Variants in PPP2R5E observed in about 807,000 individuals in gnomAD.
PPP2R5E encodes protein phosphatase 2 regulatory subunit B'epsilon, also known as serine/threonine-protein phosphatase 2A 56 kDa regulatory subunit epsilon isoform.
In PPP2R5E, 4 loss-of-function variants were observed where a neutral mutation model predicts 65.3. The observed-to-expected ratio is 0.06, with a 90% CI of 0.03 to 0.14. PPP2R5E has a LOEUF of 0.14. Ranked by LOEUF, PPP2R5E falls within the 10% of genes least tolerant of loss-of-function variation. PPP2R5E has a pLI of 1.00. For missense variants in PPP2R5E, 274 were observed against 556.1 expected (o/e 0.49, Z 5.10); for synonymous variants, 183 against 187.4 (o/e 0.98, Z 0.19).
chr14:63,525,456 A>G (rs565762130), intron 2 of PPP2R5E, among the ~76,000 whole-genome samples: 12 of 152,338 alleles, frequency 7.9e-5, no homozygotes, highest in African/African-American at 2.9e-4. Flanking sequence ...GGAAAGACAT[A>G]CAGGAGAAGA....
At chr14:63,530,226 G>GTTTTTTTTTT (rs555112537) in intron 2 of PPP2R5E, among the ~76,000 whole-genome samples, 4 of 99,484 alleles carry the variant, frequency 4.0e-5, no homozygotes, top group Non-Finnish European at 5.7e-5. Context: ...AAATTTTTCC[G>GTTTTTTTTTT]TTTTTTTTTT....
intron 2 of PPP2R5E, among the ~76,000 whole-genome samples, chr14:63,493,298 C>A (rs1891373498): frequency 6.6e-6 from 1 of 151,880 alleles, no homozygotes; most frequent in Non-Finnish European, 1.5e-5. Flanking sequence ...CACTTGCCAC[C>A]AAGCCAAGCT....
At chr14:63,423,840 T>C (rs2144966) in intron 3 of PPP2R5E, among the ~76,000 whole-genome samples, 15,850 of 152,252 alleles carry the variant, frequency 0.1, 1,013 homozygotes, top group African/African-American at 0.18. Context: ...TGGAACTTAC[T>C]ATATTCTAGT....
chr14:63,402,539 A>G (rs1885813081), intron 5 of PPP2R5E, among the ~76,000 whole-genome samples: 1 of 152,208 alleles, frequency 6.6e-6, no homozygotes, highest in African/African-American at 2.4e-5. Flanking sequence ...AACTATTAAC[A>G]TCTTCAAAGA....
At chr14:63,423,573 G>A (rs1402910367) in intron 3 of PPP2R5E, among the ~76,000 whole-genome samples, 1 of 152,084 alleles carries the variant, frequency 6.6e-6, no homozygotes. Context: ...GAGAACATGC[G>A]TAAAAAGTGA....
chr14:63,449,872 ATTTTTTTTTTT>A (rs35931655), intron 3 of PPP2R5E, among the ~76,000 whole-genome samples: 1 of 105,412 alleles, frequency 9.5e-6, no homozygotes, highest in Non-Finnish European at 1.9e-5. Context: ...TTCTTTTCCT[ATTTTTTTTTTT>A]TTTTTTTTTT....
At chr14:63,451,213 TA>T (rs1385052453) in intron 3 of PPP2R5E, 5 of 152,224 alleles carry the variant, frequency 3.3e-5, no homozygotes, top group African/African-American at 1.2e-4. Context: ...CACTCCTTGG[TA>T]TTTACCCAAA....
intron 1 of PPP2R5E, among the ~76,000 whole-genome samples, chr14:63,541,799 T>C (rs1893914290): frequency 6.6e-6 from 1 of 152,232 alleles, no homozygotes; most frequent in South Asian, 2.1e-4. Flanking sequence ...GTTTGGAATT[T>C]GGAAGTCTTC....
intron 3 of PPP2R5E, among the ~76,000 whole-genome samples, chr14:63,429,856 G>T (rs1378563503): frequency 6.6e-6 from 1 of 151,902 alleles, no homozygotes; most frequent in African/African-American, 2.4e-5. Context: ...CTAATTTTTT[G>T]TATTTTTAGT....
At chr14:63,409,545 C>A (rs1040419142) in intron 5 of PPP2R5E, among the ~76,000 whole-genome samples, 2 of 152,108 alleles carry the variant, frequency 1.3e-5, no homozygotes, top group Admixed American at 1.3e-4. Context: ...ATAGGTGATA[C>A]CAGTAGACAT....
chr14:63,407,816 G>A (rs545964465), intron 5 of PPP2R5E, among the ~76,000 whole-genome samples: 2 of 152,272 alleles, frequency 1.3e-5, no homozygotes, highest in South Asian at 4.1e-4. Context: ...ACTATGAAAG[G>A]GGATTTGGGA....
At chr14:63,384,311 C>G (rs562541342) in intron 12 of PPP2R5E, 133 bp downstream of exon 12, 7 of 1,064,230 alleles carry the variant, frequency 6.6e-6, no homozygotes, top group Admixed American at 4.7e-5. Flanking sequence ...TCAGTGAATC[C>G]CCAGAAGGTA....
chr14:63,529,479 G>A (rs1235785129), intron 2 of PPP2R5E, among the ~76,000 whole-genome samples: 1 of 151,584 alleles, frequency 6.6e-6, no homozygotes, highest in African/African-American at 2.4e-5. Context: ...TCCTGCCTCA[G>A]CCTTCCGAGT....
intron 7 of PPP2R5E, among the ~76,000 whole-genome samples, chr14:63,394,261 T>A (rs1476092042): frequency 1.1e-4 from 16 of 151,984 alleles, no homozygotes; most frequent in Admixed American, 1.0e-3. Flanking sequence ...TTTTTTGTAT[T>A]TTTAGTAGAG....
chr14:63,487,337 A>G (rs112143543), intron 2 of PPP2R5E, among the ~76,000 whole-genome samples: 1,670 of 151,762 alleles, frequency 0.011, 19 homozygotes, highest in Middle Eastern at 0.048. Flanking sequence ...TGGAATTAGA[A>G]CTATTATAAT....
intron 3 of PPP2R5E, among the ~76,000 whole-genome samples, chr14:63,443,795 G>A (rs555760882): frequency 7.8e-4 from 118 of 152,176 alleles, no homozygotes; most frequent in African/African-American, 2.7e-3. Context: ...AACTGCCAAA[G>A]CTATCCGAGA....
chr14:63,405,759 C>T (rs1886038214), intron 5 of PPP2R5E, among the ~76,000 whole-genome samples: 1 of 152,114 alleles, frequency 6.6e-6, no homozygotes, highest in East Asian at 1.9e-4. Context: ...AACCATTTTC[C>T]CAACCATCCC....
At chr14:63,415,878 TA>T (rs1412403988) in intron 4 of PPP2R5E, among the ~76,000 whole-genome samples, 1 of 152,214 alleles carries the variant, frequency 6.6e-6, no homozygotes, top group African/African-American at 2.4e-5. Flanking sequence ...CTTGTTCAAT[TA>T]TGTCATGAGG....
intron 3 of PPP2R5E, among the ~76,000 whole-genome samples, chr14:63,445,597 C>T (rs902283796): frequency 2.0e-5 from 3 of 152,116 alleles, no homozygotes; most frequent in African/African-American, 7.2e-5. Context: ...GTAATCCCAG[C>T]ACTTTGGGAA....
Sources: allele counts gnomAD v4.1 joint callset (sites outside exome capture counted in the v4.1 genomes callset), GRCh38; gene constraint gnomAD v4.1.1; transcripts MANE v1.5; gene names NCBI Gene and HGNC (gene_info 2026-07-23, HGNC 2026-07-21).